NR3C2: variants seen among roughly 807,000 people sequenced by gnomAD.
The protein encoded by NR3C2 is mineralocorticoid receptor.
NR3C2 carries 15 observed loss-of-function variants against 86.4 expected under a neutral mutation model. The observed-to-expected ratio is 0.17, with a 90% CI of 0.12 to 0.27. NR3C2 has a LOEUF of 0.27. Among genes scored for constraint, NR3C2 ranks in the 10% least tolerant of loss-of-function variants. NR3C2 has a pLI of 1.00. For synonymous variants in NR3C2, 458 were observed against 450.5 expected (o/e 1.02, Z -0.21); for missense variants, 960 against 1,195.6 (o/e 0.80, Z 2.91).
chr4:148,158,924 T>C (rs1578954180), intron 4 of NR3C2, among the ~76,000 whole-genome samples: 1 of 152,312 alleles, frequency 6.6e-6, no homozygotes, highest in South Asian at 2.1e-4. Flanking sequence ...TGGAATTGAG[T>C]AATAATGCAT....
At chr4:148,349,967 C>T (rs1032740452) in intron 2 of NR3C2, among the ~76,000 whole-genome samples, 2 of 152,064 alleles carry the variant, frequency 1.3e-5, no homozygotes, top group Non-Finnish European at 2.9e-5. Context: ...AAACAAGTGT[C>T]CTGTTATGCA....
At chr4:148,375,506 T>C (rs1258271194) in intron 2 of NR3C2, among the ~76,000 whole-genome samples, 1 of 151,726 alleles carries the variant, frequency 6.6e-6, no homozygotes, top group Non-Finnish European at 1.5e-5. Context: ...TTTGACAAGA[T>C]GGTATTTATA....
At chr4:148,255,784 C>T (rs1739803134) in intron 3 of NR3C2, among the ~76,000 whole-genome samples, 2 of 152,144 alleles carry the variant, frequency 1.3e-5, no homozygotes, top group Admixed American at 1.3e-4. Context: ...TGAGATGGAA[C>T]TAATGGCAAT....
At chr4:148,250,350 A>G (rs941782728) in intron 3 of NR3C2, among the ~76,000 whole-genome samples, 2 of 152,190 alleles carry the variant, frequency 1.3e-5, no homozygotes, top group Non-Finnish European at 2.9e-5. Flanking sequence ...TCAATTATTA[A>G]TAACTTCATA....
chr4:148,303,682 C>A (rs1336775934), intron 2 of NR3C2, among the ~76,000 whole-genome samples: 1 of 152,018 alleles, frequency 6.6e-6, no homozygotes. Flanking sequence ...AAAACTGGAT[C>A]TGAGGGATCC....
rs192335651 is a variant in NR3C2, at chr4:148,102,883, C to T, written c.2799+11221G>A. On this transcript the variant is annotated intron_variant, in intron 8 of 8. Coordinates refer to ENST00000358102, the MANE Select transcript of NR3C2 (RefSeq NM_000901.5). ...TTTAAATGTAAAGAGCCCCACACGA[C>T]GGTGGAAATGGCGTTGGACAGATCA... is the stretch of plus-strand genomic sequence containing the variant. 1.9e-3 allele frequency among the ~76,000 whole-genome samples: 295 copies of T among 152,290 alleles called. 1 individual carries two copies. The highest frequency in any genetic ancestry group is 3.5e-3 in the Non-Finnish European group (241 of 68,032).
At chr4:148,243,292 G>A (rs1047246733) in intron 3 of NR3C2, among the ~76,000 whole-genome samples, 1 of 152,096 alleles carries the variant, frequency 6.6e-6, no homozygotes, top group African/African-American at 2.4e-5. Flanking sequence ...GCCTCCCAAA[G>A]CACGGGGATT....
intron 3 of NR3C2, among the ~76,000 whole-genome samples, chr4:148,219,147 G>A (rs1209784025): frequency 6.6e-6 from 1 of 152,076 alleles, no homozygotes; most frequent in Non-Finnish European, 1.5e-5. Context: ...TATTGTTATT[G>A]TAGCCTCTTA....
chr4:148,088,266 G>T (rs1356805785), intron 8 of NR3C2, among the ~76,000 whole-genome samples: 1 of 152,198 alleles, frequency 6.6e-6, no homozygotes, highest in East Asian at 1.9e-4. Context: ...TACTGTTTGT[G>T]GGAGTGCAAA....
At chr4:148,346,837 C>G (rs1305345122) in intron 2 of NR3C2, among the ~76,000 whole-genome samples, 1 of 152,010 alleles carries the variant, frequency 6.6e-6, no homozygotes, top group East Asian at 1.9e-4. Context: ...TGCATTATGA[C>G]TCACATTCTA....
intron 2 of NR3C2, among the ~76,000 whole-genome samples, chr4:148,422,407 C>A: frequency 6.6e-6 from 1 of 151,698 alleles, no homozygotes; most frequent in Non-Finnish European, 1.5e-5. Flanking sequence ...ATATAATTTC[C>A]ATTTCAAAAA....
At chr4:148,358,202 C>T (rs192199609) in intron 2 of NR3C2, among the ~76,000 whole-genome samples, 2,691 of 152,008 alleles carry the variant, frequency 0.018, 73 homozygotes, top group African/African-American at 0.061. Context: ...TTCACAATAG[C>T]GAAGACTTGG....
chr4:148,085,620 G>A (rs567365335), intron 8 of NR3C2, among the ~76,000 whole-genome samples: 10 of 152,164 alleles, frequency 6.6e-5, no homozygotes, highest in Non-Finnish European at 7.3e-5. Context: ...AAAGCTAGCA[G>A]AAGGCAAGAA....
intron 4 of NR3C2, among the ~76,000 whole-genome samples, chr4:148,193,367 C>G (rs1199308335): frequency 1.3e-5 from 2 of 152,210 alleles, no homozygotes; most frequent in African/African-American, 2.4e-5. Context: ...CCGCTTCCTT[C>G]AGAGGGTCTG....
At chr4:148,145,651 C>T (rs942480441) in intron 6 of NR3C2, among the ~76,000 whole-genome samples, 1 of 152,160 alleles carries the variant, frequency 6.6e-6, no homozygotes, top group Non-Finnish European at 1.5e-5. Context: ...ACAGTGAGAC[C>T]GGCAGCACTT....
chr4:148,186,548 C>G (rs1036120574), intron 4 of NR3C2, among the ~76,000 whole-genome samples: 5 of 152,122 alleles, frequency 3.3e-5, no homozygotes, highest in African/African-American at 1.2e-4. Flanking sequence ...ATCCCCTGCT[C>G]TGAGATACCA....
chr4:148,433,846 C>T (rs1265497707), intron 2 of NR3C2, among the ~76,000 whole-genome samples: 2 of 152,180 alleles, frequency 1.3e-5, no homozygotes, highest in South Asian at 2.1e-4. Context: ...GCCATGCTAT[C>T]TCATGACTTG....
rs890989138 is a variant in NR3C2, at chr4:148,435,772, G to T, written c.1089C>A (p.Asp363Glu). 8.7e-6 allele frequency: 14 copies of T among 1,614,158 alleles called. No homozygotes were observed. In the East Asian group the frequency reaches 3.1e-4, roughly 36 times the overall value. Residue 363 changes from aspartate to glutamate, a missense_variant, in exon 2 of 9, where the codon GAC becomes GAA. Physicochemically the swap from Asp to Glu is conservative, Grantham distance 45. Transcript: ENST00000358102. ...STLRDVVPSP[D>E]TQEKGAQEVP... ...CCTCTTGAGCACCTTTCTCCTGCGT[G>T]TCTGGACTGGGAACCACATCCCGCA...
chr4:148,238,879 A>C (rs1185649614), intron 3 of NR3C2, among the ~76,000 whole-genome samples: 1 of 152,230 alleles, frequency 6.6e-6, no homozygotes, highest in Non-Finnish European at 1.5e-5. Context: ...GAGTCAAGGA[A>C]GCTTCGGCCA....
Sources: gnomAD v4.1 joint callset for allele counts (sites outside exome capture counted in the v4.1 genomes callset) on GRCh38, gnomAD v4.1.1 for gene constraint, MANE v1.5 for transcripts, NCBI Gene and HGNC (gene_info 2026-07-23, HGNC 2026-07-21) for gene names.